Variants in NR2E1 observed in about 807,000 individuals in gnomAD.
The protein encoded by NR2E1 is nuclear receptor TLX.
Under a neutral mutation model 43.6 loss-of-function variants are expected in NR2E1, and 5 were observed. That is an observed-to-expected ratio of 0.11 (90% CI 0.06 to 0.24). The LOEUF is 0.24. Among genes scored for constraint, NR2E1 ranks in the 10% least tolerant of loss-of-function variants. The pLI is 1.00. For synonymous variants in NR2E1, 191 were observed against 195.5 expected (o/e 0.98, Z 0.19); for missense variants, 287 against 496.7 (o/e 0.58, Z 4.01).
intron 1 of NR2E1, chr6:108,168,169 C>G: frequency 1.3e-6 from 2 of 1,575,384 alleles, no homozygotes; most frequent in African/African-American, 1.4e-5. Context: ...GGAGGTAAAG[C>G]GACCTCGATT....
intron 2 of NR2E1, among the ~76,000 whole-genome samples, chr6:108,173,522 A>G (rs1194740375): frequency 1.3e-5 from 2 of 152,228 alleles, no homozygotes; most frequent in South Asian, 2.1e-4. Context: ...TTTATTTTAA[A>G]TAAATCATCA....
chr6:108,184,854 T>C (rs1329656938), intron 8 of NR2E1, among the ~76,000 whole-genome samples: 1 of 152,244 alleles, frequency 6.6e-6, no homozygotes, highest in African/African-American at 2.4e-5. Context: ...GGAATTCTTA[T>C]TATTTCTATT....
intron 8 of NR2E1, among the ~76,000 whole-genome samples, chr6:108,185,299 C>T (rs1016542391): frequency 1.3e-5 from 2 of 151,934 alleles, no homozygotes; most frequent in Non-Finnish European, 2.9e-5. Flanking sequence ...AAAGAAAATC[C>T]AATTATTGAT....
At chr6:108,182,651 C>CTT (rs1774011926) in intron 8 of NR2E1, among the ~76,000 whole-genome samples, 1 of 151,050 alleles carries the variant, frequency 6.6e-6, no homozygotes, top group Non-Finnish European at 1.5e-5. Context: ...CTTCGCCTTC[C>CTT]GGGTTCAAGT....
chr6:108,173,977 CA>C (rs1234177341), intron 2 of NR2E1, among the ~76,000 whole-genome samples: 11 of 152,158 alleles, frequency 7.2e-5, no homozygotes, highest in African/African-American at 2.7e-4. Flanking sequence ...TTTATTTTTT[CA>C]GTTACTATGC....
intron 4 of NR2E1, among the ~76,000 whole-genome samples, chr6:108,177,811 C>T (rs1773924095): frequency 6.6e-6 from 1 of 152,086 alleles, no homozygotes; most frequent in Non-Finnish European, 1.5e-5. Flanking sequence ...TTGGCTCAGC[C>T]CAAGGAAAAT....
chr6:108,167,994 G>A, intron 1 of NR2E1: 1 of 1,563,860 alleles, frequency 6.4e-7, no homozygotes, highest in Non-Finnish European at 8.7e-7. Flanking sequence ...AAAAATTAGA[G>A]CAAAATGAAC....
intron 1 of NR2E1, chr6:108,167,982 T>C: frequency 6.4e-7 from 1 of 1,553,328 alleles, no homozygotes; most frequent in Middle Eastern, 1.7e-4. Context: ...TGCTGACCTT[T>C]AAAAAATTAG....
rs765385675 is a variant in NR2E1, at chr6:108,188,616, A to AT, written c.*1158dup. 2.0e-5 allele frequency: 3 copies of AT among 152,130 alleles called. No individual in the cohort carries two copies. Among genetic ancestry groups the AT allele is most frequent in the Non-Finnish European group, 4.4e-5 (3 of 68,076 alleles). 9.4% of individuals were successfully genotyped at this position (152,130 alleles called of 1,614,324 possible). A position where few individuals can be genotyped will look rare whatever the true frequency, so the allele number is the denominator to read the frequency against. On this transcript the variant is annotated 3_prime_UTR_variant, in exon 9 of 9. Coordinates refer to ENST00000368986, the MANE Select transcript of NR2E1 (RefSeq NM_003269.5). Reference sequence around the variant, plus strand: ...TACTTATGGAAATGTAGAAACAAACATTTTTAAATAGCTGCTGTACTTTTC... The same window carrying AT: ...TACTTATGGAAATGTAGAAACAAACATTTTTTAAATAGCTGCTGTACTTTTC...
chr6:108,170,393 A>G (rs898217407), intron 1 of NR2E1, among the ~76,000 whole-genome samples: 9 of 152,318 alleles, frequency 5.9e-5, no homozygotes, highest in African/African-American at 2.2e-4. Flanking sequence ...CTAAGTCCCT[A>G]TAAACCGCTT....
In NR2E1 at chr6:108,180,252, T is replaced by A; in HGVS notation, c.643-71T>A. 1 of 1,006,844 alleles carries A rather than the reference T, an allele frequency of 9.9e-7. No homozygotes were observed. Among genetic ancestry groups the A allele is most frequent in the East Asian group, 2.6e-5 (1 of 37,924 alleles). 62.4% of individuals were successfully genotyped at this position (1,006,844 alleles called of 1,614,324 possible). ...AAACACTTTTTAAAATAATGGAAAT[T>A]TACATAGTGAAATTGTTTATAAATT... On this transcript the variant is annotated intron_variant, in intron 5 of 8. Coordinates refer to ENST00000368986, the MANE Select transcript of NR2E1 (RefSeq NM_003269.5). The surrounding 1 kb of genome is among the most constrained non-coding windows in gnomAD (Gnocchi z 5.4).
intron 1 of NR2E1, chr6:108,167,920 T>G: frequency 1.6e-6 from 2 of 1,264,818 alleles, no homozygotes; most frequent in Non-Finnish European, 2.2e-6. Context: ...ATTCCCGCCC[T>G]CCTACCCCCC....
chr6:108,171,279 G>GA (rs1163469223), intron 1 of NR2E1, among the ~76,000 whole-genome samples, 179 bp from the exon 2 acceptor site: 1 of 152,200 alleles, frequency 6.6e-6, no homozygotes, highest in South Asian at 2.1e-4. Context: ...CTTGCTCAAG[G>GA]AAAAAAAGTT....
chr6:108,176,541 C>T lies in NR2E1; in HGVS notation c.298C>T (p.Arg100Cys), dbSNP rs1297490626. Residue 100 changes from arginine (R) to cysteine (C), a missense_variant, in exon 4 of 9, where the codon CGC becomes TGC. Arg to Cys is a radical substitution (Grantham distance 180, BLOSUM62 -3). Coordinates refer to ENST00000368986, the MANE Select transcript of NR2E1 (RefSeq NM_003269.5). ...HERGPRTSTIRKQVALYFRGH... is the reference protein window; with the variant it reads ...HERGPRTSTICKQVALYFRGH... ...GCGGGGGCCTCGGACGTCCACCATC[C>T]GCAAGCAAGTGGCCCTCTACTTCCG... 1 of 1,613,156 alleles carries T rather than the reference C, an allele frequency of 6.2e-7. No homozygotes were observed. The highest frequency in any genetic ancestry group is 8.5e-7 in the Non-Finnish European group (1 of 1,179,958).
At chr6:108,171,642 C>G (rs766337799) in intron 2 of NR2E1, 39 bp downstream of exon 2, 2 of 1,612,584 alleles carry the variant, frequency 1.2e-6, no homozygotes, top group Non-Finnish European at 8.5e-7. Flanking sequence ...CTCCGCTCTG[C>G]TGCCTCCTCA....
rs982920053 is a variant in NR2E1 at position 108,166,130 on chromosome 6, C to G, written c.-636C>G. 2.0e-5 allele frequency: 3 copies of G among 152,840 alleles called. No homozygotes were observed. The highest frequency in any genetic ancestry group is 7.2e-5 in the African/African-American group (3 of 41,480). The allele number at this position is 152,840 out of a possible 1,614,324, so 9.5% of individuals were successfully genotyped here. A position where few individuals can be genotyped will look rare whatever the true frequency, so the allele number is the denominator to read the frequency against. ...GGGGTAATGAACTTCGGGGACCCTT[C>G]GCCGCTGCGTGCGCGGCTCTCCCCG... On this transcript the variant is annotated 5_prime_UTR_variant, in exon 1 of 9. Transcript: ENST00000368986. The surrounding 1 kb of genome is among the most constrained non-coding windows in gnomAD (Gnocchi z 7.2).
In NR2E1 at chr6:108,166,910, C is replaced by G. The variant is rs988001880; in HGVS notation, c.25+120C>G. ...TCTGAGCCCCTGAGAGGGATTCCAG[C>G]GGGCGTGTGCGTTCGGCCCAGACCT... On this transcript the variant is annotated intron_variant, in intron 1 of 8. Coordinates refer to ENST00000368986, the MANE Select transcript of NR2E1 (RefSeq NM_003269.5). This position sits in a 1 kb window ranked among gnomAD's most constrained non-coding sequence, Gnocchi z 7.2. 9.4e-7 allele frequency: 1 copy of G among 1,067,926 alleles called. No individual in the cohort carries two copies. 66.2% of individuals were successfully genotyped at this position (1,067,926 alleles called of 1,614,324 possible). A position where few individuals can be genotyped will look rare whatever the true frequency, so the allele number is the denominator to read the frequency against.
chr6:108,173,083 G>A (rs1453337537), intron 2 of NR2E1, among the ~76,000 whole-genome samples: 1 of 152,204 alleles, frequency 6.6e-6, no homozygotes, highest in African/African-American at 2.4e-5. Context: ...CAAGCATATT[G>A]ATATCAGTCC....
Position 108,166,645 on chromosome 6 carries a change from C to G in NR2E1, c.-121C>G. On this transcript the variant is annotated 5_prime_UTR_variant, in exon 1 of 9. Coordinates refer to ENST00000368986, the MANE Select transcript of NR2E1 (RefSeq NM_003269.5). The surrounding 1 kb of genome is among the most constrained non-coding windows in gnomAD (Gnocchi z 7.2). ...GCGCGCGACTGACACCCACCTGTCC[C>G]GCCCAGGAGCCTTGCAGGCTGGAGG... 1 of 777,080 alleles carries G rather than the reference C, an allele frequency of 1.3e-6. No individual in the cohort carries two copies. The highest frequency in any genetic ancestry group is 1.9e-6 in the Non-Finnish European group (1 of 519,048). 48.1% of individuals were successfully genotyped at this position (777,080 alleles called of 1,614,324 possible). A position where few individuals can be genotyped will look rare whatever the true frequency, so the allele number is the denominator to read the frequency against.
Sources: gnomAD v4.1 joint callset for allele counts (sites outside exome capture counted in the v4.1 genomes callset) on GRCh38, gnomAD v4.1.1 for gene constraint, Gnocchi (gnomAD v3.1) non-coding constraint, MANE v1.5 for transcripts, NCBI Gene and HGNC (gene_info 2026-07-23, HGNC 2026-07-21) for gene names.